Variants in IL1RL2 observed in about 807,000 individuals in gnomAD.
IL1RL2 encodes interleukin 1 receptor like 2.
IL1RL2 carries 68 observed loss-of-function variants against 66.8 expected under a neutral mutation model. The ratio of observed to expected loss-of-function variants is 1.02; its 90% CI spans 0.84 to 1.25. IL1RL2 has a LOEUF of 1.25. Among genes scored for constraint, IL1RL2 ranks in the 50% most tolerant of loss-of-function variants. The pLI, the probability that IL1RL2 is intolerant of heterozygous loss-of-function variation, is 0.00. For missense variants in IL1RL2, 729 were observed against 709.3 expected (o/e 1.03, Z -0.32); for synonymous variants, 305 against 264.6 (o/e 1.15, Z -1.48).
At chr2:102,226,820 A>G (rs1578183443) in intron 9 of IL1RL2, among the ~76,000 whole-genome samples, 1 of 152,220 alleles carries the variant, frequency 6.6e-6, no homozygotes, top group East Asian at 1.9e-4. Flanking sequence ...AAACAAAGAA[A>G]GGGACAGTGA....
intron 5 of IL1RL2, among the ~76,000 whole-genome samples, chr2:102,204,854 G>A (rs996089638): frequency 2.0e-5 from 3 of 151,804 alleles, no homozygotes; most frequent in African/African-American, 7.3e-5. Flanking sequence ...TACATTTAAT[G>A]TTATTATTGA....
downstream of IL1RL2, among the ~76,000 whole-genome samples, chr2:102,240,433 T>C (rs112854937): frequency 2.9e-5 from 4 of 139,828 alleles, 1 homozygote; most frequent in African/African-American, 1.1e-4. Context: ...ATTACAAGCA[T>C]GAGCCACCGA....
chr2:102,201,558 C>T lies in IL1RL2; in HGVS notation c.492C>T (p.Asp164=). 1.2e-6 allele frequency: 2 copies of T among 1,613,784 alleles called. No homozygotes were observed. The highest frequency in any genetic ancestry group is 1.7e-6 in the Non-Finnish European group (2 of 1,179,816). ...AATTTTGTTTTTATTTGTATTAGGA[C>T]TGTAACGAGATTAAAGGGGAGCGGT... The part of the protein sequence containing the change: ...CVLGPIKWYK[D]CNEIKGERFT... The change falls in exon 5 of 12, where the codon GAC becomes GAT. Residue 164 remains aspartate, a splice_region_variant and synonymous_variant. Transcript: ENST00000264257.
chr2:102,200,948 A>C (rs761350487), intron 4 of IL1RL2, among the ~76,000 whole-genome samples: 1 of 152,134 alleles, frequency 6.6e-6, no homozygotes, highest in African/African-American at 2.4e-5. Flanking sequence ...AGACCTTCAA[A>C]TTGGATGTTG....
intron 4 of IL1RL2, among the ~76,000 whole-genome samples, chr2:102,198,278 T>C (rs987412260): frequency 1.3e-5 from 2 of 152,210 alleles, no homozygotes; most frequent in Non-Finnish European, 2.9e-5. Flanking sequence ...TTCTGGATAA[T>C]GGCAAATCCC....
chr2:102,218,915 A>T, intron 6 of IL1RL2, 38 bp from the exon 7 acceptor site: 1 of 1,585,620 alleles, frequency 6.3e-7, no homozygotes, highest in Non-Finnish European at 8.6e-7. Context: ...AAGTTTGTAG[A>T]ATTTTCATTG....
chr2:102,225,126 CTGTTCCTTTTCTTGG>C (rs1465739854), intron 8 of IL1RL2, among the ~76,000 whole-genome samples: 2 of 152,230 alleles, frequency 1.3e-5, no homozygotes, highest in Non-Finnish European at 2.9e-5. Flanking sequence ...AGAAGCCAAG[CTGTTCCTTTTCTTGG>C]ATGTGTAGGA....
In IL1RL2 at chr2:102,195,473, T is replaced by G. The variant is rs577575013; in HGVS notation, c.489+3353T>G. Among the ~76,000 whole-genome samples, 14 of 152,270 alleles carry G rather than the reference T, an allele frequency of 9.2e-5. No homozygotes were observed. The South Asian group carries it at 2.9e-3, about 32-fold the overall frequency. ...TTTACCTGTTCTTTTCACGTTGCTT[T>G]GCATGCAACGTAAATCATATTGGTC... On this transcript the variant is annotated intron_variant, in intron 4 of 11. Coordinates refer to ENST00000264257, the MANE Select transcript of IL1RL2 (RefSeq NM_003854.4).
intron 11 of IL1RL2, among the ~76,000 whole-genome samples, chr2:102,236,275 G>T (rs967649083): frequency 6.6e-6 from 1 of 152,186 alleles, no homozygotes; most frequent in African/African-American, 2.4e-5. Flanking sequence ...GGCTGGAAGG[G>T]AGTCAGCCCT....
chr2:102,187,827 C>G (rs1686823494), intron 1 of IL1RL2, 29 bp from the exon 2 acceptor site: 1 of 1,602,806 alleles, frequency 6.2e-7, no homozygotes, highest in African/African-American at 1.3e-5. Context: ...TGCGTCCTCC[C>G]CTCCCACCCT....
At chr2:102,218,347 C>T (rs1689792547) in intron 6 of IL1RL2, among the ~76,000 whole-genome samples, 1 of 152,024 alleles carries the variant, frequency 6.6e-6, no homozygotes, top group Non-Finnish European at 1.5e-5. Flanking sequence ...TTACTAAGCT[C>T]ATGGGACAAA....
At chr2:102,214,742 T>A (rs1689457440) in intron 6 of IL1RL2, among the ~76,000 whole-genome samples, 1 of 151,976 alleles carries the variant, frequency 6.6e-6, no homozygotes, top group Non-Finnish European at 1.5e-5. Flanking sequence ...AAAAATTGAA[T>A]AGAAGAAAAA....
intron 9 of IL1RL2, among the ~76,000 whole-genome samples, chr2:102,230,775 A>G (rs1021401456): frequency 6.6e-6 from 1 of 152,200 alleles, no homozygotes; most frequent in South Asian, 2.1e-4. Flanking sequence ...TTGTGTTACC[A>G]TTCTCTGTAA....
intron 8 of IL1RL2, among the ~76,000 whole-genome samples, chr2:102,220,261 C>T (rs1342683739): frequency 6.6e-6 from 1 of 152,162 alleles, no homozygotes; most frequent in African/African-American, 2.4e-5. Flanking sequence ...AGATTTTATA[C>T]ATCAAAACAG....
chr2:102,239,033 T>G (rs1160689778), intron 11 of IL1RL2, among the ~76,000 whole-genome samples, 159 bp from the exon 12 acceptor site: 5 of 152,062 alleles, frequency 3.3e-5, no homozygotes, highest in Admixed American at 2.6e-4. Flanking sequence ...CATAACCACC[T>G]TGCAAAGATA....
chr2:102,242,214 T>C (rs1030303586), downstream of IL1RL2, among the ~76,000 whole-genome samples: 1 of 152,222 alleles, frequency 6.6e-6, no homozygotes, highest in Non-Finnish European at 1.5e-5. Context: ...TATTTGCTCA[T>C]TGGGTAAATT....
chr2:102,187,211 G>A, intron 1 of IL1RL2, 125 bp downstream of exon 1: 1 of 1,216,904 alleles, frequency 8.2e-7, no homozygotes, highest in Non-Finnish European at 1.1e-6. Context: ...GGCCCCCCAG[G>A]CCGGCCCCCG....
At chr2:102,242,528 C>G (rs1028882190), downstream of IL1RL2, among the ~76,000 whole-genome samples, 5 of 152,120 alleles carry the variant, frequency 3.3e-5, no homozygotes, top group African/African-American at 9.7e-5. Flanking sequence ...TGATATAAAT[C>G]CCGGTCTGAA....
intron 4 of IL1RL2, among the ~76,000 whole-genome samples, chr2:102,195,671 CTTTCT>C (rs1355608311): frequency 1.8e-5 from 2 of 109,340 alleles, no homozygotes; most frequent in Non-Finnish European, 3.8e-5. Context: ...TTCTTTCTTT[CTTTCT>C]TTCTTTCTTC....
Sources: gnomAD v4.1 joint callset for allele counts (sites outside exome capture counted in the v4.1 genomes callset) on GRCh38, gnomAD v4.1.1 for gene constraint, MANE v1.5 for transcripts, NCBI Gene and HGNC (gene_info 2026-07-23, HGNC 2026-07-21) for gene names.